The following PARP4 variants were observed in gnomAD, a reference collection of about 807,000 sequenced individuals.
PARP4 encodes protein mono-ADP-ribosyltransferase PARP4.
PARP4 carries 120 observed loss-of-function variants against 187.7 expected under a neutral mutation model. That is an observed-to-expected ratio of 0.64 (90% CI 0.55 to 0.74). The LOEUF (loss-of-function observed/expected upper bound fraction) is 0.74. Among genes scored for constraint, PARP4 ranks in the 30% least tolerant of loss-of-function variants. PARP4 has a pLI of 0.00. For synonymous variants in PARP4, 654 were observed against 740.9 expected (o/e 0.88, Z 1.90); for missense variants, 1,836 against 2,070.5 (o/e 0.89, Z 2.20).
chr13:24,472,652 A>G (rs1177866638), intron 15 of PARP4, among the ~76,000 whole-genome samples: 1 of 152,082 alleles, frequency 6.6e-6, no homozygotes, highest in African/African-American at 2.4e-5. Context: ...TCCAAGCTCT[A>G]CCACTGCATC....
At chr13:24,504,532 C>G (rs1869504149) in intron 1 of PARP4, among the ~76,000 whole-genome samples, 2 of 151,796 alleles carry the variant, frequency 1.3e-5, no homozygotes, top group Admixed American at 1.3e-4. Flanking sequence ...CCAGGCTGGG[C>G]TCAAACCCAG....
intron 32 of PARP4, among the ~76,000 whole-genome samples, chr13:24,427,236 A>G (rs1211512754): frequency 6.6e-6 from 1 of 152,210 alleles, no homozygotes; most frequent in Non-Finnish European, 1.5e-5. Context: ...GGTGTATCAA[A>G]TTATTTCTAG....
At chr13:24,512,184 C>G (rs947275082) in intron 1 of PARP4, among the ~76,000 whole-genome samples, 1 of 152,198 alleles carries the variant, frequency 6.6e-6, no homozygotes. Flanking sequence ...ATTCGGCCCT[C>G]CTAGCAGGAA....
intron 22 of PARP4, among the ~76,000 whole-genome samples, chr13:24,454,084 G>A (rs1181112712): frequency 1.4e-5 from 2 of 146,900 alleles, no homozygotes; most frequent in Non-Finnish European, 1.5e-5. Context: ...GCAACAAAGC[G>A]AGACTCTGTC....
At chr13:24,490,948 A>C (rs1169230703) in intron 9 of PARP4, 120 bp from the exon 10 acceptor site, 1 of 922,598 alleles carries the variant, frequency 1.1e-6, no homozygotes. Flanking sequence ...AGCTTGTTTT[A>C]CTTTATTTAT....
chr13:24,425,492 A>G lies in PARP4; in HGVS notation c.4979+974T>C, dbSNP rs565026415. ...CCCCTTATCTTGCCTTTAAAAGAAC[A>G]TAAGCCAATTACATGTGTATGTATA... On this transcript the variant is annotated intron_variant, in intron 33 of 33. Coordinates refer to ENST00000381989, the MANE Select transcript of PARP4 (RefSeq NM_006437.4). Among the ~76,000 whole-genome samples, 4 of 152,186 alleles carry G rather than the reference A, an allele frequency of 2.6e-5. No individual in the cohort carries two copies. The East Asian group carries it at 5.8e-4, about 22-fold the overall frequency.
At chr13:24,481,981 G>T (rs1487641582) in intron 12 of PARP4, among the ~76,000 whole-genome samples, 3 of 152,228 alleles carry the variant, frequency 2.0e-5, no homozygotes, top group Non-Finnish European at 4.4e-5. Flanking sequence ...TATTCTCCTT[G>T]CCCTTAAGAG....
intron 18 of PARP4, 157 bp from the exon 19 acceptor site, chr13:24,459,467 G>A: frequency 1.6e-6 from 1 of 630,504 alleles, no homozygotes; most frequent in Non-Finnish European, 2.6e-6. Flanking sequence ...TGGAATGACA[G>A]GAACTTCTAA....
At chr13:24,461,132 T>A (rs1187236180) in intron 17 of PARP4, among the ~76,000 whole-genome samples, 1 of 152,222 alleles carries the variant, frequency 6.6e-6, no homozygotes, top group Non-Finnish European at 1.5e-5. Flanking sequence ...CCCAACTATG[T>A]TCACCATTCT....
rs1870507393 is a variant in PARP4 at position 24,434,559 on chromosome 13, G to T, written c.4582C>A (p.Leu1528Ile). ...FQSSDTESDELSEVLQDSCFL... is the reference protein window; with the variant it reads ...FQSSDTESDEISEVLQDSCFL... ...CAGCTGTCTTGAAGTACTTCTGATAGCTCATCACTTTCTGTGTCAGAACTT... is the reference window on the plus strand; with the variant it reads ...CAGCTGTCTTGAAGTACTTCTGATATCTCATCACTTTCTGTGTCAGAACTT... Residue 1528 changes from leucine (L) to isoleucine (I), a missense_variant, in exon 31 of 34, where the codon CTA becomes ATA. Leu to Ile is a conservative substitution (Grantham distance 5, BLOSUM62 2). Transcript: ENST00000381989. 1 of 1,613,324 alleles carries T rather than the reference G, an allele frequency of 6.2e-7. No homozygotes were observed. The highest frequency in any genetic ancestry group is 1.3e-5 in the African/African-American group (1 of 75,020).
intron 32 of PARP4, among the ~76,000 whole-genome samples, chr13:24,430,033 C>T (rs7989232): frequency 0.94 from 142,738 of 152,314 alleles, 67,017 homozygotes; most frequent in East Asian, 0.99. Context: ...TTCACTCTAG[C>T]TTCTGCCTGT....
chr13:24,431,147 GT>G (rs954041389), intron 32 of PARP4, among the ~76,000 whole-genome samples: 1 of 152,098 alleles, frequency 6.6e-6, no homozygotes, highest in Non-Finnish European at 1.5e-5. Context: ...ACAGCACTTG[GT>G]GCTATTTATG....
intron 1 of PARP4, among the ~76,000 whole-genome samples, chr13:24,508,302 A>G: frequency 6.6e-6 from 1 of 152,220 alleles, no homozygotes; most frequent in East Asian, 1.9e-4. Flanking sequence ...TGGCTGCTCA[A>G]GTCCACCTTC....
intron 16 of PARP4, 150 bp downstream of exon 16, chr13:24,469,744 G>T: frequency 2.5e-6 from 2 of 806,152 alleles, no homozygotes; most frequent in Non-Finnish European, 3.8e-6. Flanking sequence ...GGCTCACTGC[G>T]CAAGAACTGA....
intron 4 of PARP4, 102 bp downstream of exon 4, chr13:24,500,214 A>G (rs1377286608): frequency 5.2e-6 from 3 of 579,296 alleles, no homozygotes; most frequent in Non-Finnish European, 8.9e-6. Flanking sequence ...ATAAATTAAA[A>G]TAAGAAAAAG....
chr13:24,430,639 G>A (rs1426438423), intron 32 of PARP4, among the ~76,000 whole-genome samples: 1 of 151,856 alleles, frequency 6.6e-6, no homozygotes, highest in East Asian at 1.9e-4. Flanking sequence ...GGGCAAGGGA[G>A]CCAGATCTTG....
At chr13:24,496,829 C>T (rs1015224548) in intron 6 of PARP4, among the ~76,000 whole-genome samples, 1 of 152,126 alleles carries the variant, frequency 6.6e-6, no homozygotes, top group Non-Finnish European at 1.5e-5. Context: ...TCGAGACCAG[C>T]CTGGCCAACA....
At chr13:24,491,374 C>G (rs1012942531) in intron 9 of PARP4, among the ~76,000 whole-genome samples, 5 of 152,168 alleles carry the variant, frequency 3.3e-5, no homozygotes, top group Admixed American at 2.0e-4. Flanking sequence ...CTGCCTTGGC[C>G]TCCCAAAGTG....
At chr13:24,459,207 T>G in intron 19 of PARP4, 57 bp downstream of exon 19, 3 of 1,588,290 alleles carry the variant, frequency 1.9e-6, no homozygotes, top group Non-Finnish European at 2.6e-6. Flanking sequence ...AAATGGAAAT[T>G]TAAACCAGAA....
Sources: gnomAD v4.1 joint callset for allele counts (sites outside exome capture counted in the v4.1 genomes callset) on GRCh38, gnomAD v4.1.1 for gene constraint, MANE v1.5 for transcripts, NCBI Gene and HGNC (gene_info 2026-07-23, HGNC 2026-07-21) for gene names.